ELF4: variants seen among roughly 807,000 people sequenced by gnomAD.
The protein encoded by ELF4 is ETS-related transcription factor Elf-4.
Under a neutral mutation model 31.7 loss-of-function variants are expected in ELF4, and 10 were observed. The observed-to-expected ratio is 0.32, with a 90% CI of 0.19 to 0.54. ELF4 has a LOEUF of 0.54. ELF4 is among the 20% of genes least tolerant of loss of function. ELF4 has a pLI of 0.95. For synonymous variants in ELF4, 208 were observed against 226.7 expected (o/e 0.92, Z 0.74); for missense variants, 418 against 522.0 (o/e 0.80, Z 1.94).
chrX:130,086,592 A>G (rs186241721), intron 1 of ELF4, among the ~76,000 whole-genome samples: 280 of 112,282 alleles, frequency 2.5e-3, no homozygotes, highest in Non-Finnish European at 4.3e-3. Context: ...ATGTGTGACC[A>G]TGGAAAAGTC....
rs3077212 is a variant in ELF4, at chrX:130,080,423, C to CAAAAAAA, written c.75+826_75+832dup. Among the ~76,000 whole-genome samples the CAAAAAAA allele has an allele frequency of 2.5e-3, 143 of 56,298 alleles. 1 individual carries two copies. Among genetic ancestry groups the CAAAAAAA allele is most frequent in the South Asian group, 5.0e-3 (5 of 1,002 alleles). 48.9% of individuals were successfully genotyped at this position (56,298 alleles called of 115,157 possible). ...TGGGCGACAGAGTGAGACTTCGTTT[C>CAAAAAAA]AAAAAAAAAAAAAAAAAAATAGGGT... is the stretch of plus-strand genomic sequence containing the variant. On this transcript the variant is annotated intron_variant, in intron 2 of 8. Transcript: ENST00000308167.
At chrX:130,101,532 C>T (rs1011892555) in intron 1 of ELF4, among the ~76,000 whole-genome samples, 3 of 111,766 alleles carry the variant, frequency 2.7e-5, no homozygotes, top group Admixed American at 9.6e-5. Context: ...GTGGCTCGTG[C>T]CTGTAATCCC....
At chrX:130,073,916 C>T (rs1041910629) in intron 4 of ELF4, 133 bp downstream of exon 4, 2 of 629,259 alleles carry the variant, frequency 3.2e-6, no homozygotes, top group Non-Finnish European at 5.2e-6. Flanking sequence ...AGATAAAAGT[C>T]ATATGTATAT....
At chrX:130,075,064 G>A (rs760878584) in intron 2 of ELF4, among the ~76,000 whole-genome samples, 91 of 110,062 alleles carry the variant, frequency 8.3e-4, no homozygotes, top group African/African-American at 2.9e-3. Flanking sequence ...CGCCTCCCGG[G>A]TTCAAGCGAT....
Position 130,076,537 on chromosome X carries a change from T to A in ELF4, c.76-1785A>T, listed in dbSNP as rs890484424. On this transcript the variant is annotated intron_variant, in intron 2 of 8. Coordinates refer to ENST00000308167, the MANE Select transcript of ELF4 (RefSeq NM_001421.4). ...ACCTCCACCTCCCAGGTTCAAGCAA[T>A]TCTACTGCCTCACCTTCCCGAGTAG... 2.7e-5 allele frequency among the ~76,000 whole-genome samples: 3 copies of A among 111,818 alleles called. No individual in the cohort carries two copies. The Admixed American group carries it at 2.8e-4, about 11-fold the overall frequency.
rs191915121 is a variant in ELF4 at position 130,075,220 on chromosome X, C to T, written c.76-468G>A. Among the ~76,000 whole-genome samples the T allele has an allele frequency of 1.3e-3, 142 of 110,306 alleles. 2 individuals are homozygous for T. The Middle Eastern group carries it at 0.019, about 15-fold the overall frequency. ...CTGACCTCAGGTGATCCACCTGCCT[C>T]AGCCTCCCAAAGTGCTGGGATTACA... On this transcript the variant is annotated intron_variant, in intron 2 of 8. Coordinates refer to ENST00000308167, the MANE Select transcript of ELF4 (RefSeq NM_001421.4).
intron 2 of ELF4, among the ~76,000 whole-genome samples, chrX:130,078,762 T>TCC (rs1245337715): frequency 1.2e-5 from 1 of 84,886 alleles, no homozygotes; most frequent in East Asian, 3.8e-4. Context: ...TCTCTCTCTC[T>TCC]ACACACACAC....
At chrX:130,081,131 GC>G in intron 2 of ELF4, 124 bp downstream of exon 2, 1 of 831,280 alleles carries the variant, frequency 1.2e-6, no homozygotes, top group Non-Finnish European at 1.8e-6. Context: ...CATAGTAGGT[GC>G]TTGATGGATA....
At chrX:130,071,548 C>A in intron 5 of ELF4, 129 bp from the exon 6 acceptor site, 1 of 591,937 alleles carries the variant, frequency 1.7e-6, no homozygotes, top group Non-Finnish European at 2.8e-6. Flanking sequence ...AGATCGCTCT[C>A]CACAGCCACA....
intron 2 of ELF4, 53 bp from the exon 3 acceptor site, chrX:130,074,805 C>T: frequency 1.7e-6 from 2 of 1,183,731 alleles, no homozygotes; most frequent in South Asian, 3.6e-5. Context: ...TTCCAGCAAA[C>T]CCTCCCTACC....
At chrX:130,101,754 A>C (rs210007) in intron 1 of ELF4, among the ~76,000 whole-genome samples, 2 of 108,173 alleles carry the variant, frequency 1.8e-5, no homozygotes, top group Non-Finnish European at 3.8e-5. Flanking sequence ...AGCCGAGATC[A>C]CGCCATTGCA....
Position 130,064,025 on chromosome X carries a change from G to A in ELF4, c.*2696C>T, listed in dbSNP as rs1336501627. Among the ~76,000 whole-genome samples, 2 of 104,867 alleles carry A rather than the reference G, an allele frequency of 1.9e-5. No homozygotes were observed. The highest frequency in any genetic ancestry group is 3.9e-5 in the Non-Finnish European group (2 of 51,316). 91.1% of individuals were successfully genotyped at this position (104,867 alleles called of 115,157 possible). ...TTATTATTATTATACTTTAAGTTCT[G>A]GGATACATGTGCAGAACGTGCAGGT... On this transcript the variant is annotated 3_prime_UTR_variant, in exon 9 of 9. Coordinates refer to ENST00000308167, the MANE Select transcript of ELF4 (RefSeq NM_001421.4).
chrX:130,097,133 T>TA (rs754452744), intron 1 of ELF4, among the ~76,000 whole-genome samples: 2,013 of 74,377 alleles, frequency 0.027, 72 homozygotes, highest in African/African-American at 0.075. Flanking sequence ...CCATCTCTAT[T>TA]AAAAAAAAAA....
chrX:130,073,158 G>T (rs565052881), intron 4 of ELF4, among the ~76,000 whole-genome samples: 1 of 111,374 alleles, frequency 9.0e-6, no homozygotes, highest in African/African-American at 3.3e-5. Context: ...GTGTGATCTC[G>T]GCTCATTGCA....
At chrX:130,110,005 G>A (rs1933448103) in intron 1 of ELF4, among the ~76,000 whole-genome samples, 1 of 112,344 alleles carries the variant, frequency 8.9e-6, no homozygotes, top group African/African-American at 3.2e-5. Context: ...TCTGCCCTCG[G>A]GCGCCCAGCT....
At chrX:130,089,269 G>A (rs1430114534) in intron 1 of ELF4, among the ~76,000 whole-genome samples, 1 of 108,574 alleles carries the variant, frequency 9.2e-6, no homozygotes, top group East Asian at 2.9e-4. Flanking sequence ...TTGGGAGGCC[G>A]AGGCAGGTGG....
chrX:130,082,501 G>A (rs914453357), intron 1 of ELF4, among the ~76,000 whole-genome samples: 4 of 112,140 alleles, frequency 3.6e-5, no homozygotes, highest in South Asian at 3.7e-4. Flanking sequence ...ATCCTCTGGG[G>A]CTGGCTCAGG....
intron 1 of ELF4, among the ~76,000 whole-genome samples, chrX:130,092,595 C>T (rs1933079167): frequency 8.9e-6 from 1 of 112,267 alleles, no homozygotes; most frequent in African/African-American, 3.2e-5. Flanking sequence ...TATCACTTTA[C>T]CTAGCTGTCA....
At position 130,067,459 on chromosome X, in the gene ELF4, G is replaced by A; in HGVS notation, c.1254C>T (p.Thr418=). 1 of 1,211,817 alleles carries A rather than the reference G, an allele frequency of 8.3e-7. No homozygotes were observed. The highest frequency in any genetic ancestry group is 1.1e-6 in the Non-Finnish European group (1 of 895,506). ...CCGTGGTCAGTGGGATCGTCTGCAG[G>A]GTCAGGGCCGAGCCCGACCCCACGG... ...VAPVGSGSAL[T]LQTIPLTTVL... is the part of the protein sequence containing the mutation. The change falls in exon 9 of 9, where the codon ACC becomes ACT. Residue 418 remains threonine (T), a synonymous_variant. Coordinates refer to ENST00000308167, the MANE Select transcript of ELF4 (RefSeq NM_001421.4).
Sources: gnomAD v4.1 joint callset for allele counts (sites outside exome capture counted in the v4.1 genomes callset) on GRCh38, gnomAD v4.1.1 for gene constraint, MANE v1.5 for transcripts, NCBI Gene and HGNC (gene_info 2026-07-23, HGNC 2026-07-21) for gene names.